EHBP1: variants seen among roughly 807,000 people sequenced by gnomAD.
EHBP1 encodes EH domain-binding protein 1.
Under a neutral mutation model 144.0 loss-of-function variants are expected in EHBP1, and 55 were observed. That is an observed-to-expected ratio of 0.38 (90% CI 0.31 to 0.48). The LOEUF (loss-of-function observed/expected upper bound fraction) is 0.48, where lower values mean the gene tolerates loss of function less well. EHBP1 is among the 20% of genes least tolerant of loss of function. The probability of loss-of-function intolerance (pLI) is 0.98; values close to 1 mark genes in which losing one functional copy is unlikely to be tolerated. For synonymous variants in EHBP1, 469 were observed against 472.7 expected (o/e 0.99, Z 0.10); for missense variants, 1,200 against 1,364.2 (o/e 0.88, Z 1.90).
rs1336263062 is a variant in EHBP1 at position 62,948,661 on chromosome 2, C to T, written c.1815C>T (p.Ala605=). 7 of 1,613,968 alleles carry T rather than the reference C, an allele frequency of 4.3e-6. No homozygotes were observed. The highest frequency in any genetic ancestry group is 5.1e-6 in the Non-Finnish European group (6 of 1,179,972). The change falls in exon 13 of 23, where the codon GCC becomes GCT. Residue 605 remains alanine (A), a synonymous_variant. Transcript: ENST00000431489. The part of the protein sequence containing the change: ...TPDDHLSPST[A]SPYCRRTKSD... ...ATGATCACCTTAGTCCAAGCACAGC[C>T]TCCCCTTACTGTCGCAGGACTAAAA... is the stretch of plus-strand genomic sequence containing the variant.
Position 62,948,693 on chromosome 2 carries a change from C to G in EHBP1, c.1847C>G (p.Thr616Arg), listed in dbSNP as rs2057209061. The change falls in exon 13 of 23, where the codon ACA becomes AGA. Residue 616 changes from threonine to arginine, a missense_variant. Transcript: ENST00000431489. Reference sequence around the variant, plus strand: ...TACTGTCGCAGGACTAAAAGTGACACAGAACCCCAGAAGTCTCAGCAGAGC... The same window carrying G: ...TACTGTCGCAGGACTAAAAGTGACAGAGAACCCCAGAAGTCTCAGCAGAGC... ...SPYCRRTKSDTEPQKSQQSSG... is the reference protein window; with the variant it reads ...SPYCRRTKSDREPQKSQQSSG... 9 of 1,613,894 alleles carry G rather than the reference C, an allele frequency of 5.6e-6. No homozygotes were observed. Among genetic ancestry groups the G allele is most frequent in the African/African-American group, 4.0e-5 (3 of 74,910 alleles).
chr2:63,013,802 A>G lies in EHBP1; in HGVS notation c.3103+17036A>G, dbSNP rs115939981. 2.4e-3 allele frequency among the ~76,000 whole-genome samples: 360 copies of G among 152,368 alleles called. 3 individuals are homozygous for G. Among genetic ancestry groups the G allele is most frequent in the African/African-American group, 8.5e-3 (353 of 41,584 alleles). Reference sequence around the variant, plus strand: ...GAATATTCTCAACTTAAAAGAGTACAACAGGGGGTTGGGTATGAACTTTTT... The same window carrying G: ...GAATATTCTCAACTTAAAAGAGTACGACAGGGGGTTGGGTATGAACTTTTT... On this transcript the variant is annotated intron_variant, in intron 19 of 22. Coordinates refer to ENST00000431489, the MANE Select transcript of EHBP1 (RefSeq NM_001142616.3).
chr2:62,851,189 A>G (rs2048670883), intron 7 of EHBP1, among the ~76,000 whole-genome samples: 1 of 152,146 alleles, frequency 6.6e-6, no homozygotes, highest in Non-Finnish European at 1.5e-5. Flanking sequence ...TGCTGCTGGA[A>G]TGTAGTTTCT....
At chr2:63,032,914 T>A (rs1183400295) in intron 19 of EHBP1, among the ~76,000 whole-genome samples, 1 of 152,198 alleles carries the variant, frequency 6.6e-6, no homozygotes, top group African/African-American at 2.4e-5. Context: ...CTCTTAATAT[T>A]ATAAATATAT....
At chr2:62,744,142 A>G (rs2038949734) in intron 2 of EHBP1, among the ~76,000 whole-genome samples, 1 of 152,122 alleles carries the variant, frequency 6.6e-6, no homozygotes, top group Non-Finnish European at 1.5e-5. Context: ...CATACATTTT[A>G]TGTGTATGTC....
At chr2:62,934,470 C>T (rs1200868284) in intron 10 of EHBP1, among the ~76,000 whole-genome samples, 1 of 152,142 alleles carries the variant, frequency 6.6e-6, no homozygotes, top group Non-Finnish European at 1.5e-5. Flanking sequence ...GCTACAAACC[C>T]TTTTTTGACG....
chr2:62,766,298 G>A (rs1293411720), intron 4 of EHBP1, among the ~76,000 whole-genome samples: 1 of 152,178 alleles, frequency 6.6e-6, no homozygotes, highest in African/African-American at 2.4e-5. Context: ...CAGAGAGACC[G>A]AGAGAATGCT....
intron 5 of EHBP1, among the ~76,000 whole-genome samples, chr2:62,786,047 T>TG (rs1203633445): frequency 6.6e-6 from 1 of 152,206 alleles, no homozygotes; most frequent in African/African-American, 2.4e-5. Flanking sequence ...TTATAAGCAG[T>TG]GCAGCAATGC....
chr2:62,951,744 C>T (rs2057404300), intron 13 of EHBP1, among the ~76,000 whole-genome samples: 1 of 151,870 alleles, frequency 6.6e-6, no homozygotes, highest in South Asian at 2.1e-4. Context: ...AGGCTGGTCT[C>T]GAACTCCTGA....
chr2:62,752,736 G>A (rs2039873966), intron 3 of EHBP1, among the ~76,000 whole-genome samples: 1 of 151,936 alleles, frequency 6.6e-6, no homozygotes, highest in Non-Finnish European at 1.5e-5. Context: ...TTATGTAATG[G>A]CCTTCTTTGT....
Position 62,831,064 on chromosome 2 carries a change from G to A in EHBP1, c.540G>A (p.Gln180=). 1 of 1,612,280 alleles carries A rather than the reference G, an allele frequency of 6.2e-7. No homozygotes were observed. The highest frequency in any genetic ancestry group is 8.5e-7 in the Non-Finnish European group (1 of 1,179,362). ...TGGCTAGTTTGATGAGTATGAAGCAGGCTGACATTGGCAATTTAGATGACT... is the reference window on the plus strand; with the variant it reads ...TGGCTAGTTTGATGAGTATGAAGCAAGCTGACATTGGCAATTTAGATGACT... The part of the protein sequence containing the change: ...QSLASLMSMK[Q]ADIGNLDDFE... The change falls in exon 7 of 23, where the codon CAG becomes CAA. Residue 180 remains glutamine, a synonymous_variant. Transcript: ENST00000431489.
intron 2 of EHBP1, among the ~76,000 whole-genome samples, chr2:62,746,611 A>G (rs965500106): frequency 3.3e-5 from 5 of 152,234 alleles, no homozygotes; most frequent in African/African-American, 9.6e-5. Context: ...TCATAAGAAC[A>G]AAAGAGAACT....
rs1573753750 is a variant in EHBP1, at chr2:62,859,236, A to G, written c.702A>G (p.Pro234=). 6.2e-7 allele frequency: 1 copy of G among 1,612,438 alleles called. No individual in the cohort carries two copies. The highest frequency in any genetic ancestry group is 8.5e-7 in the Non-Finnish European group (1 of 1,178,948). Residue 234 remains proline, a synonymous_variant, in exon 8 of 23, where the codon CCA becomes CCG. Coordinates refer to ENST00000431489, the MANE Select transcript of EHBP1 (RefSeq NM_001142616.3). ...ACTTGGCCACCGTGAATTCAAATCC[A>G]TTTGATGATCCTGATGCTGCAGAAT... ...EKDLATVNSN[P]FDDPDAAELN... is the part of the protein sequence containing the mutation.
chr2:62,771,568 G>GTCTTCAATACT, intron 5 of EHBP1, 176 bp downstream of exon 5: 1 of 506,632 alleles, frequency 2.0e-6, no homozygotes, highest in Non-Finnish European at 3.4e-6. Context: ...TTATTTGTAA[G>GTCTTCAATACT]AAATGCTTTT....
intron 3 of EHBP1, among the ~76,000 whole-genome samples, chr2:62,754,912 A>T (rs2040129742): frequency 6.6e-6 from 1 of 152,204 alleles, no homozygotes; most frequent in African/African-American, 2.4e-5. Flanking sequence ...TAGGAAAGGG[A>T]ATTCCCTGAC....
At chr2:62,843,073 A>G (rs1186156918) in intron 7 of EHBP1, among the ~76,000 whole-genome samples, 1 of 152,192 alleles carries the variant, frequency 6.6e-6, no homozygotes, top group Non-Finnish European at 1.5e-5. Flanking sequence ...AATTCTCTGA[A>G]TCTAATTGAA....
intron 3 of EHBP1, among the ~76,000 whole-genome samples, chr2:62,763,461 G>A (rs1463717634): frequency 3.3e-5 from 5 of 152,150 alleles, no homozygotes; most frequent in African/African-American, 7.2e-5. Flanking sequence ...TTTAACATAA[G>A]TAAATTCTTA....
intron 10 of EHBP1, among the ~76,000 whole-genome samples, chr2:62,917,295 AAATG>A (rs1293504292): frequency 6.6e-6 from 1 of 152,238 alleles, no homozygotes; most frequent in Non-Finnish European, 1.5e-5. Context: ...CCTGTCTCAA[AAATG>A]AATGAATAAA....
In EHBP1 at chr2:62,932,847, C is replaced by T. The variant is rs563235528; in HGVS notation, c.1186-9871C>T. On this transcript the variant is annotated intron_variant, in intron 10 of 22. Coordinates refer to ENST00000431489, the MANE Select transcript of EHBP1 (RefSeq NM_001142616.3). ...CATGAGCCTGTAATCCCAGCTACTT[C>T]GGAGGCTGAGGAAGGAAAATTGCTT... Among the ~76,000 whole-genome samples, 10 of 150,352 alleles carry T rather than the reference C, an allele frequency of 6.7e-5. No individual in the cohort carries two copies. The East Asian group carries it at 9.9e-4, about 15-fold the overall frequency.
Sources: allele counts gnomAD v4.1 joint callset (sites outside exome capture counted in the v4.1 genomes callset), GRCh38; gene constraint gnomAD v4.1.1; transcripts MANE v1.5; gene names NCBI Gene and HGNC (gene_info 2026-07-23, HGNC 2026-07-21).